Variants in MCU observed in about 807,000 individuals in gnomAD.
MCU encodes mitochondrial calcium uniporter, also known as calcium uniporter protein, mitochondrial.
Under a neutral mutation model 45.2 loss-of-function variants are expected in MCU, and 12 were observed. The ratio of observed to expected loss-of-function variants is 0.27; its 90% CI spans 0.17 to 0.43. MCU has a LOEUF of 0.43. MCU is among the 20% of genes least tolerant of loss of function. The pLI, the probability that MCU is intolerant of heterozygous loss-of-function variation, is 1.00. For missense variants in MCU, 324 were observed against 436.7 expected (o/e 0.74, Z 2.30); for synonymous variants, 160 against 165.1 (o/e 0.97, Z 0.24).
Position 72,776,985 on chromosome 10 carries a change from G to A in MCU, c.151-57374G>A, listed in dbSNP as rs1010458009. 5.9e-5 allele frequency among the ~76,000 whole-genome samples: 9 copies of A among 152,078 alleles called. No individual in the cohort carries two copies. In the East Asian group the frequency reaches 1.7e-3, roughly 29 times the overall value. ...CTTATAATAGCTATGAAATACCTAG[G>A]AGTTAATCTAACTGAATAAGTAAAA... On this transcript the variant is annotated intron_variant, in intron 1 of 7. Transcript: ENST00000373053.
At chr10:72,811,128 A>C (rs1229471888) in intron 1 of MCU, among the ~76,000 whole-genome samples, 1 of 152,236 alleles carries the variant, frequency 6.6e-6, no homozygotes, top group Non-Finnish European at 1.5e-5. Flanking sequence ...AATAAACATG[A>C]ATCTTTTACT....
chr10:72,717,082 T>G (rs1449323950), intron 1 of MCU, among the ~76,000 whole-genome samples: 1 of 151,678 alleles, frequency 6.6e-6, no homozygotes, highest in Non-Finnish European at 1.5e-5. Context: ...TTGTTTTCCC[T>G]ACTATTTGAA....
chr10:72,850,926 T>C (rs1278244601), intron 2 of MCU, among the ~76,000 whole-genome samples: 3 of 152,246 alleles, frequency 2.0e-5, no homozygotes, highest in Non-Finnish European at 4.4e-5. Flanking sequence ...TAATAGTAGC[T>C]GACAACTGTC....
intron 1 of MCU, among the ~76,000 whole-genome samples, chr10:72,826,047 C>T (rs1844793786): frequency 6.6e-6 from 1 of 152,176 alleles, no homozygotes; most frequent in Admixed American, 6.5e-5. Flanking sequence ...TCCTAGCTAA[C>T]TAATGCATCC....
rs571348319 is a variant in MCU, at chr10:72,745,011, TA to T, written c.150+52712del. Among the ~76,000 whole-genome samples, 221 of 152,328 alleles carry T rather than the reference TA, an allele frequency of 1.5e-3. 1 individual carries two copies. Among genetic ancestry groups the T allele is most frequent in the Middle Eastern group, 3.4e-3 (1 of 294 alleles). On this transcript the variant is annotated intron_variant, in intron 1 of 7. Transcript: ENST00000373053. Reference sequence around the variant, plus strand: ...CCTCAGCTTTTCTTCTGAATTTGTATAATAAGGCCCACAGATAAGTGTTTCA... The same window carrying T: ...CCTCAGCTTTTCTTCTGAATTTGTATATAAGGCCCACAGATAAGTGTTTCA...
intron 6 of MCU, among the ~76,000 whole-genome samples, chr10:72,882,989 C>A (rs547012026): frequency 1.3e-5 from 2 of 152,150 alleles, no homozygotes. Flanking sequence ...AAAGAACCTA[C>A]GTGACTATCA....
rs565037217 is a variant in MCU, at chr10:72,789,248, A to G, written c.151-45111A>G. On this transcript the variant is annotated intron_variant, in intron 1 of 7. Coordinates refer to ENST00000373053, the MANE Select transcript of MCU (RefSeq NM_138357.3). ...TACTTAAAGAATATAATCTTAGCAC[A>G]ATAGGTAGTAAGATGTTTTAGGTAT... Among the ~76,000 whole-genome samples, 3 of 152,326 alleles carry G rather than the reference A, an allele frequency of 2.0e-5. No individual in the cohort carries two copies. In the South Asian group the frequency reaches 6.2e-4, roughly 32 times the overall value.
intron 1 of MCU, among the ~76,000 whole-genome samples, chr10:72,697,426 A>ATT (rs1001610262): frequency 0.016 from 998 of 64,040 alleles, 7 homozygotes; most frequent in Non-Finnish European, 0.019. Flanking sequence ...CCAGACTTCT[A>ATT]TTTTTTTTTT....
At chr10:72,805,506 C>A (rs1264949248) in intron 1 of MCU, among the ~76,000 whole-genome samples, 1 of 152,062 alleles carries the variant, frequency 6.6e-6, no homozygotes, top group African/African-American at 2.4e-5. Context: ...CTCAGCCTCC[C>A]AAAGTACTGG....
chr10:72,872,769 G>A (rs1845562804), intron 6 of MCU, among the ~76,000 whole-genome samples: 1 of 151,988 alleles, frequency 6.6e-6, no homozygotes, highest in South Asian at 2.1e-4. Context: ...CCTTTCCTTT[G>A]GATATATGCC....
chr10:72,740,189 G>T (rs1279541330), intron 1 of MCU, among the ~76,000 whole-genome samples: 1 of 151,754 alleles, frequency 6.6e-6, no homozygotes, highest in African/African-American at 2.4e-5. Context: ...AGACCATCTG[G>T]CCAACATGAT....
chr10:72,728,966 T>A (rs1284951921), intron 1 of MCU, among the ~76,000 whole-genome samples: 29 of 152,148 alleles, frequency 1.9e-4, no homozygotes, highest in Admixed American at 1.9e-3. Flanking sequence ...GATGAAGCCT[T>A]CTGTTTTTAT....
At chr10:72,747,478 G>A (rs1178397631) in intron 1 of MCU, among the ~76,000 whole-genome samples, 1 of 152,076 alleles carries the variant, frequency 6.6e-6, no homozygotes, top group African/African-American at 2.4e-5. Flanking sequence ...TTTGCACTTC[G>A]CTGCAGTGCC....
chr10:72,715,156 A>C (rs1373131391), intron 1 of MCU: 18 of 985,304 alleles, frequency 1.8e-5, no homozygotes, highest in Non-Finnish European at 1.8e-5. Context: ...TACCGTTTCT[A>C]CCTCACTCTC....
intron 1 of MCU, among the ~76,000 whole-genome samples, chr10:72,711,957 C>A (rs1383557358): frequency 6.6e-6 from 1 of 151,434 alleles, no homozygotes; most frequent in Non-Finnish European, 1.5e-5. Flanking sequence ...CGTGATCCGC[C>A]TGCCTTGGCC....
intron 1 of MCU, among the ~76,000 whole-genome samples, chr10:72,829,641 G>A (rs898376654): frequency 6.6e-6 from 1 of 150,434 alleles, no homozygotes; most frequent in African/African-American, 2.4e-5. Context: ...AACAGTAAAG[G>A]AAAAAAACTT....
intron 2 of MCU, among the ~76,000 whole-genome samples, chr10:72,840,107 A>G (rs935919412): frequency 6.6e-6 from 1 of 152,192 alleles, no homozygotes; most frequent in East Asian, 1.9e-4. Flanking sequence ...TTTTTAAAAA[A>G]CTGAAAACTG....
chr10:72,700,810 G>A (rs1008940085), intron 1 of MCU, among the ~76,000 whole-genome samples: 1 of 152,076 alleles, frequency 6.6e-6, no homozygotes, highest in African/African-American at 2.4e-5. Flanking sequence ...AGAAGAGTGG[G>A]TATTAATTTT....
Position 72,805,101 on chromosome 10 carries a change from C to CTCTTTCTTTCTTTCTTTCTTTCTT in MCU, c.151-29222_151-29199dup, listed in dbSNP as rs1161181455. ...TGTTTCTTTCTTTCTTTCTTTCTTT[C>CTCTTTCTTTCTTTCTTTCTTTCTT]TCTTTCTTTCTTTCTTTCTTTCTTT... On this transcript the variant is annotated intron_variant, in intron 1 of 7. Coordinates refer to ENST00000373053, the MANE Select transcript of MCU (RefSeq NM_138357.3). 2.1e-3 allele frequency among the ~76,000 whole-genome samples: 217 copies of CTCTTTCTTTCTTTCTTTCTTTCTT among 103,444 alleles called. 4 individuals carry two copies. The highest frequency in any genetic ancestry group is 3.6e-3 in the South Asian group (10 of 2,766). The allele number at this position is 103,444 out of a possible 152,430, so 67.9% of individuals were successfully genotyped here. A position where few individuals can be genotyped will look rare whatever the true frequency, so the allele number is the denominator to read the frequency against.
Sources: allele counts gnomAD v4.1 joint callset (sites outside exome capture counted in the v4.1 genomes callset), GRCh38; gene constraint gnomAD v4.1.1; transcripts MANE v1.5; gene names NCBI Gene and HGNC (gene_info 2026-07-23, HGNC 2026-07-21).